PTAFR: variants seen among roughly 807,000 people sequenced by gnomAD.
The protein encoded by PTAFR is platelet-activating factor receptor.
A neutral mutation model predicts 14.7 loss-of-function variants in PTAFR; 8 were observed. The ratio of observed to expected loss-of-function variants is 0.54; its 90% CI spans 0.32 to 0.98. The LOEUF is 0.98. PTAFR is among the 50% of genes least tolerant of loss of function. The pLI is 0.04. For synonymous variants in PTAFR, 156 were observed against 176.5 expected (o/e 0.88, Z 0.92); for missense variants, 337 against 451.2 (o/e 0.75, Z 2.29).
chr1:28,165,168 G>A (rs1439170729), intron 1 of PTAFR, among the ~76,000 whole-genome samples: 1 of 152,168 alleles, frequency 6.6e-6, no homozygotes, highest in Non-Finnish European at 1.5e-5. Flanking sequence ...ACTCCGGGAG[G>A]CTGAGGCAGG....
In PTAFR at chr1:28,191,456, G is replaced by A. The variant is rs1056477723; in HGVS notation, c.-39+2266C>T. Among the ~76,000 whole-genome samples the A allele has an allele frequency of 5.9e-5, 9 of 152,294 alleles. No individual in the cohort carries two copies. In the East Asian group the frequency reaches 7.7e-4, roughly 13 times the overall value. ...GTGGTTAAAAGAAACGTCTCCAGCC[G>A]GGCGCAGTGGTATATGCCTGTAGTC... On this transcript the variant is annotated intron_variant, in intron 1 of 1. Transcript: ENST00000305392.
intron 1 of PTAFR, among the ~76,000 whole-genome samples, chr1:28,187,368 G>A (rs539897113): frequency 5.2e-4 from 79 of 151,792 alleles, no homozygotes; most frequent in Non-Finnish European, 4.1e-4. Flanking sequence ...TATCCATTAA[G>A]GAAAAAAATA....
chr1:28,158,809 G>A (rs2148995643), intron 1 of PTAFR, among the ~76,000 whole-genome samples: 1 of 152,280 alleles, frequency 6.6e-6, no homozygotes, highest in African/African-American at 2.4e-5. Flanking sequence ...AGCTTGGAAG[G>A]GACAAGACTG....
At chr1:28,179,995 A>T (rs1646549369), upstream of PTAFR, among the ~76,000 whole-genome samples, 8 of 152,084 alleles carry the variant, frequency 5.3e-5, no homozygotes, top group South Asian at 1.7e-3. Flanking sequence ...TCTCTCCAGA[A>T]ATCAACCGCT....
chr1:28,171,845 G>T (rs149915817), intron 1 of PTAFR, among the ~76,000 whole-genome samples: 4 of 152,192 alleles, frequency 2.6e-5, no homozygotes, highest in African/African-American at 4.8e-5. Context: ...TCTGGCCTGG[G>T]TCTCTCCTCC....
At position 28,149,908 on chromosome 1, in the gene PTAFR, C is replaced by A. The variant is rs1646158596; in HGVS notation, c.*85G>T. 2 of 1,499,758 alleles carry A rather than the reference C, an allele frequency of 1.3e-6. No individual in the cohort carries two copies. Among genetic ancestry groups the A allele is most frequent in the South Asian group, 1.3e-5 (1 of 76,728 alleles). The allele number at this position is 1,499,758 out of a possible 1,614,324, so 92.9% of individuals were successfully genotyped here. On this transcript the variant is annotated 3_prime_UTR_variant, in exon 2 of 2. Coordinates refer to ENST00000373857, the MANE Select transcript of PTAFR (RefSeq NM_000952.5). ...CCCACCAGTGCCCACAGAGGTGGTG[C>A]CCAGACCACAGTAGATATCCCTTCT...
At chr1:28,192,932 T>C (rs1015704589) in intron 1 of PTAFR, among the ~76,000 whole-genome samples, 7 of 152,156 alleles carry the variant, frequency 4.6e-5, no homozygotes, top group South Asian at 2.1e-4. Context: ...CCTAGGGCCA[T>C]AGGAAGCAGC....
intron 1 of PTAFR, among the ~76,000 whole-genome samples, chr1:28,162,843 A>AG (rs1231902379): frequency 1.3e-5 from 2 of 151,202 alleles, no homozygotes; most frequent in East Asian, 3.9e-4. Context: ...AAAAAAAAAA[A>AG]AAAAAAAAAG....
intron 1 of PTAFR, among the ~76,000 whole-genome samples, chr1:28,168,206 C>T (rs1483195786): frequency 6.8e-6 from 1 of 146,686 alleles, no homozygotes; most frequent in African/African-American, 2.5e-5. Context: ...CTGCTGACCT[C>T]GTGATCCGCC....
At chr1:28,162,798 CAGCCTGGGCGACAG>C (rs1646338365) in intron 1 of PTAFR, among the ~76,000 whole-genome samples, 1 of 138,214 alleles carries the variant, frequency 7.2e-6, no homozygotes, top group Non-Finnish European at 1.5e-5. Context: ...CACTGCACTC[CAGCCTGGGCGACAG>C]AGCGAGACTT....
chr1:28,169,700 G>C (rs1213307675), intron 1 of PTAFR, among the ~76,000 whole-genome samples: 1 of 151,972 alleles, frequency 6.6e-6, no homozygotes, highest in East Asian at 1.9e-4. Context: ...GAAATAATGT[G>C]TATAAAGTCC....
At chr1:28,192,596 C>A (rs1462423612) in intron 1 of PTAFR, among the ~76,000 whole-genome samples, 8 of 150,078 alleles carry the variant, frequency 5.3e-5, no homozygotes, top group African/African-American at 1.9e-4. Context: ...TTTGTAAAAG[C>A]CTTGGTGTTT....
At chr1:28,182,391 C>G (rs1044648884) in intron 1 of PTAFR, among the ~76,000 whole-genome samples, 7 of 149,488 alleles carry the variant, frequency 4.7e-5, no homozygotes, top group Non-Finnish European at 1.0e-4. Context: ...GGAAATTGAG[C>G]ATTGCCAGGC....
Position 28,149,734 on chromosome 1 carries a change from A to G in PTAFR, c.*259T>C. Reference sequence around the variant, plus strand: ...CTGACATTCCTTCCGGCCCCATAAGATTAAGGGACTCAGGATAAAGTCATC... The same window carrying G: ...CTGACATTCCTTCCGGCCCCATAAGGTTAAGGGACTCAGGATAAAGTCATC... On this transcript the variant is annotated 3_prime_UTR_variant, in exon 2 of 2. Coordinates refer to ENST00000373857, the MANE Select transcript of PTAFR (RefSeq NM_000952.5). 1 of 461,872 alleles carries G rather than the reference A, an allele frequency of 2.2e-6. No individual in the cohort carries two copies. The highest frequency in any genetic ancestry group is 1.9e-5 in the African/African-American group (1 of 51,294). The allele number at this position is 461,872 out of a possible 1,614,324, so 28.6% of individuals were successfully genotyped here.
intron 1 of PTAFR, among the ~76,000 whole-genome samples, chr1:28,160,214 TCACACA>T (rs1437473547): frequency 6.8e-6 from 1 of 148,144 alleles, no homozygotes; most frequent in East Asian, 2.0e-4. Context: ...CAAGACCCTG[TCACACA>T]CACACAAAAA....
In PTAFR at chr1:28,150,829, G is replaced by A; in HGVS notation, c.193C>T (p.Leu65Phe). 1 of 1,614,172 alleles carries A rather than the reference G, an allele frequency of 6.2e-7. No individual in the cohort carries two copies. The highest frequency in any genetic ancestry group is 8.5e-7 in the Non-Finnish European group (1 of 1,180,040). The change falls in exon 2 of 2, where the codon CTC becomes TTC. Residue 65 changes from leucine to phenylalanine, a missense_variant. By Grantham distance (22) the Leu-to-Phe change is conservative. Transcript: ENST00000373857. This position sits in a 1 kb window ranked among gnomAD's most constrained non-coding sequence, Gnocchi z 6.3. ...FMVNLTMADM[L>F]FLITLPLWIV... ...CAAAGTGGCAGGGTGATCAAGAAGAGCATGTCCGCCATGGTGAGGTTCACC... is the reference window on the plus strand; with the variant it reads ...CAAAGTGGCAGGGTGATCAAGAAGAACATGTCCGCCATGGTGAGGTTCACC...
chr1:28,159,969 T>G (rs561739517), intron 1 of PTAFR, among the ~76,000 whole-genome samples: 1 of 152,220 alleles, frequency 6.6e-6, no homozygotes, highest in African/African-American at 2.4e-5. Flanking sequence ...CTCAGCACTT[T>G]GGGGAGGCCA....
intron 1 of PTAFR, among the ~76,000 whole-genome samples, chr1:28,186,668 A>G (rs560579304): frequency 4.9e-4 from 75 of 152,334 alleles, no homozygotes; most frequent in Non-Finnish European, 8.5e-4. Flanking sequence ...ACACACCTGT[A>G]ATCTCAGCAT....
intron 1 of PTAFR, among the ~76,000 whole-genome samples, chr1:28,182,036 A>G (rs1646566724): frequency 6.6e-6 from 1 of 151,978 alleles, no homozygotes; most frequent in Admixed American, 6.6e-5. Context: ...ACAAAAGGGA[A>G]AAAAAAGAAA....
Sources: allele counts gnomAD v4.1 joint callset (sites outside exome capture counted in the v4.1 genomes callset), GRCh38; gene constraint gnomAD v4.1.1; non-coding constraint Gnocchi (gnomAD v3.1); transcripts MANE v1.5; gene names NCBI Gene and HGNC (gene_info 2026-07-23, HGNC 2026-07-21).